Variants in GALNT8 observed in about 807,000 individuals in gnomAD.
GALNT8 encodes the protein polypeptide N-acetylgalactosaminyltransferase 8.
Under a neutral mutation model 62.7 loss-of-function variants are expected in GALNT8, and 66 were observed. The observed-to-expected ratio is 1.05, with a 90% CI of 0.86 to 1.29. The LOEUF (loss-of-function observed/expected upper bound fraction) is 1.29. Among genes scored for constraint, GALNT8 ranks in the 50% most tolerant of loss-of-function variants. The pLI is 0.00. For synonymous variants in GALNT8, 288 were observed against 294.3 expected, an observed-to-expected ratio of 0.98 and a Z score of 0.22; for missense variants, 771 against 791.8, an observed-to-expected ratio of 0.97 and a Z score of 0.32.
intron 1 of GALNT8, among the ~76,000 whole-genome samples, chr12:4,721,661 G>A (rs1463565161): frequency 6.6e-6 from 1 of 152,138 alleles, no homozygotes; most frequent in Non-Finnish European, 1.5e-5. Context: ...ATACAATCGG[G>A]TTTTACACCG....
chr12:4,722,466 A>G (rs1007578576), intron 1 of GALNT8, among the ~76,000 whole-genome samples: 4 of 152,232 alleles, frequency 2.6e-5, no homozygotes, highest in African/African-American at 9.6e-5. Context: ...GTAGATGCAG[A>G]AGGTGATCTA....
chr12:4,738,911 G>T (rs991860469), intron 2 of GALNT8, among the ~76,000 whole-genome samples: 1 of 152,110 alleles, frequency 6.6e-6, no homozygotes, highest in African/African-American at 2.4e-5. Flanking sequence ...TTTGAAGTAT[G>T]TTGAATGTTC....
chr12:4,752,358 T>C (rs1273738510), intron 6 of GALNT8, among the ~76,000 whole-genome samples: 5 of 152,094 alleles, frequency 3.3e-5, no homozygotes, highest in African/African-American at 1.2e-4. Flanking sequence ...CTTCCTCTAG[T>C]GAAGGTGATT....
chr12:4,761,331 T>A (rs1165002727), intron 7 of GALNT8, among the ~76,000 whole-genome samples, 188 bp downstream of exon 7: 2 of 152,200 alleles, frequency 1.3e-5, no homozygotes, highest in East Asian at 1.9e-4. Context: ...GACCCTTCTA[T>A]ATATTAACTT....
chr12:4,742,869 G>A (rs539873636), intron 3 of GALNT8, among the ~76,000 whole-genome samples: 1 of 152,274 alleles, frequency 6.6e-6, no homozygotes, highest in Non-Finnish European at 1.5e-5. Context: ...AGGGAGCATA[G>A]GTTGTCTTCA....
At chr12:4,753,564 T>C (rs969336810) in intron 6 of GALNT8, among the ~76,000 whole-genome samples, 1 of 152,194 alleles carries the variant, frequency 6.6e-6, no homozygotes, top group African/African-American at 2.4e-5. Flanking sequence ...TCTGATAGAA[T>C]TCTGAATTCC....
At chr12:4,760,038 G>A (rs762193874) in intron 6 of GALNT8, among the ~76,000 whole-genome samples, 6 of 152,180 alleles carry the variant, frequency 3.9e-5, no homozygotes, top group Admixed American at 6.5e-5. Context: ...GCTGTATAAC[G>A]ATGTTATCAC....
At chr12:4,740,000 TG>T in intron 3 of GALNT8, among the ~76,000 whole-genome samples, 1 of 152,140 alleles carries the variant, frequency 6.6e-6, no homozygotes, top group Middle Eastern at 3.4e-3. Context: ...TGAAGAAGCC[TG>T]GGGGCTGAAG....
chr12:4,733,391 A>G (rs1285197928), intron 2 of GALNT8, among the ~76,000 whole-genome samples: 1 of 152,266 alleles, frequency 6.6e-6, no homozygotes, highest in Admixed American at 6.5e-5. Context: ...TGATTGATAT[A>G]CGGTGGGTAA....
chr12:4,735,680 G>A (rs551865801), intron 2 of GALNT8, among the ~76,000 whole-genome samples: 1 of 152,292 alleles, frequency 6.6e-6, no homozygotes, highest in South Asian at 2.1e-4. Context: ...CCAACTTGCT[G>A]TCAGAGTGGA....
At chr12:4,734,816 G>T (rs979697911) in intron 2 of GALNT8, among the ~76,000 whole-genome samples, 1 of 152,142 alleles carries the variant, frequency 6.6e-6, no homozygotes, top group Non-Finnish European at 1.5e-5. Context: ...AAGCAGGGCA[G>T]TTCTCCAAGG....
chr12:4,763,461 T>G, intron 8 of GALNT8, 71 bp downstream of exon 8: 2 of 1,294,032 alleles, frequency 1.5e-6, no homozygotes. Flanking sequence ...CTGAATCTCG[T>G]GATTGCCTGT....
intron 4 of GALNT8, among the ~76,000 whole-genome samples, chr12:4,745,153 T>C (rs534904988): frequency 6.6e-6 from 1 of 152,290 alleles, no homozygotes; most frequent in African/African-American, 2.4e-5. Flanking sequence ...AGGAGTAATA[T>C]ACATACTGAG....
At chr12:4,741,173 A>G (rs1946270577) in intron 3 of GALNT8, among the ~76,000 whole-genome samples, 1 of 152,184 alleles carries the variant, frequency 6.6e-6, no homozygotes, top group Non-Finnish European at 1.5e-5. Flanking sequence ...TTCCTGAGAG[A>G]GCAAACAAAA....
At chr12:4,730,866 C>CTTTTTTTT (rs1163742469) in intron 2 of GALNT8, among the ~76,000 whole-genome samples, 2 of 137,318 alleles carry the variant, frequency 1.5e-5, no homozygotes, top group Non-Finnish European at 1.6e-5. Flanking sequence ...TTTTTCTTTT[C>CTTTTTTTT]TTTTTTTTTT....
intron 2 of GALNT8, among the ~76,000 whole-genome samples, chr12:4,729,613 C>A (rs1305612526): frequency 6.6e-6 from 1 of 152,026 alleles, no homozygotes; most frequent in Non-Finnish European, 1.5e-5. Context: ...ACAGAATTTC[C>A]TTCTTTTTTT....
chr12:4,732,419 G>C (rs1300906700), intron 2 of GALNT8, among the ~76,000 whole-genome samples: 3 of 142,474 alleles, frequency 2.1e-5, no homozygotes, highest in African/African-American at 5.2e-5. Context: ...CTGCTGCACT[G>C]TTCAATATGA....
At chr12:4,728,352 A>G (rs571649987) in intron 2 of GALNT8, among the ~76,000 whole-genome samples, 38 of 152,086 alleles carry the variant, frequency 2.5e-4, no homozygotes, top group Admixed American at 9.2e-4. Context: ...TTTGAAACAC[A>G]AGAGTTTTAA....
At position 4,726,731 on chromosome 12, in the gene GALNT8, G is replaced by T; in HGVS notation, c.411G>T (p.Gln137His). The T allele has an allele frequency of 6.2e-7, 1 of 1,614,052 alleles. No homozygotes were observed. Among genetic ancestry groups the T allele is most frequent in the Non-Finnish European group, 8.5e-7 (1 of 1,179,972 alleles). The change falls in exon 2 of 11, where the codon CAG becomes CAT. Residue 137 changes from glutamine (Q) to histidine (H), a missense_variant. Coordinates refer to ENST00000252318, the MANE Select transcript of GALNT8 (RefSeq NM_017417.2). The surrounding 1 kb of genome is among the most constrained non-coding windows in gnomAD (Gnocchi z 4.1). ...GCGAGGATCTTTCTGAGGCCCAGCA[G>T]AAGGCGGCCCAGGACCTCTTCCGGA... Reference protein sequence around the residue: ...QWGEDLSEAQQKAAQDLFRKF... With the variant: ...QWGEDLSEAQHKAAQDLFRKF...
Sources: gnomAD v4.1 joint callset for allele counts (sites outside exome capture counted in the v4.1 genomes callset) on GRCh38, gnomAD v4.1.1 for gene constraint, Gnocchi (gnomAD v3.1) non-coding constraint, MANE v1.5 for transcripts, NCBI Gene and HGNC (gene_info 2026-07-23, HGNC 2026-07-21) for gene names.